The following SLCO2A1 variants were observed in gnomAD, a reference collection of about 807,000 sequenced individuals.
SLCO2A1 encodes solute carrier organic anion transporter family member 2A1.
In SLCO2A1, 60 loss-of-function variants were observed where a neutral mutation model predicts 71.7. The ratio of observed to expected loss-of-function variants is 0.84; its 90% confidence interval spans 0.68 to 1.04. The LOEUF (loss-of-function observed/expected upper bound fraction) is 1.04, where lower values mean the gene tolerates loss of function less well. Ranked by LOEUF, SLCO2A1 falls within the 50% of genes least tolerant of loss-of-function variation. The probability of loss-of-function intolerance (pLI) is 0.00; values close to 1 mark genes in which losing one functional copy is unlikely to be tolerated. For missense variants in SLCO2A1, 745 were observed against 813.4 expected, an observed-to-expected ratio of 0.92 and a Z score of 1.02; for synonymous variants, 308 against 326.7, an observed-to-expected ratio of 0.94 and a Z score of 0.62.
intron 3 of SLCO2A1, among the ~76,000 whole-genome samples, chr3:133,956,555 G>A (rs575690831): frequency 1.2e-4 from 19 of 152,216 alleles, no homozygotes; most frequent in African/African-American, 1.7e-4. Context: ...AGTTGTGTCC[G>A]TGGAAGGAAG....
chr3:134,021,148 A>G (rs1287572035), intron 1 of SLCO2A1, among the ~76,000 whole-genome samples: 1 of 152,232 alleles, frequency 6.6e-6, no homozygotes, highest in Non-Finnish European at 1.5e-5. Flanking sequence ...TGCAAACTGC[A>G]AAAGTGTGTG....
intron 4 of SLCO2A1, 56 bp from the exon 5 acceptor site, chr3:133,953,817 C>T: frequency 3.6e-6 from 5 of 1,407,608 alleles, no homozygotes; most frequent in Non-Finnish European, 4.0e-6. Context: ...GTTTGGCAGC[C>T]TTGGGCTCCC....
chr3:133,937,884 C>T (rs1933311422), intron 12 of SLCO2A1, among the ~76,000 whole-genome samples: 1 of 152,248 alleles, frequency 6.6e-6, no homozygotes, highest in South Asian at 2.1e-4. Flanking sequence ...ACTCCTGCTG[C>T]CTCAAGCAGC....
chr3:134,000,687 G>A (rs1204788486), intron 1 of SLCO2A1, among the ~76,000 whole-genome samples: 1 of 152,176 alleles, frequency 6.6e-6, no homozygotes, highest in Non-Finnish European at 1.5e-5. Context: ...TGGTGCACAT[G>A]GAATCAATCC....
rs1933207946 is a variant in SLCO2A1 at position 133,934,133 on chromosome 3, C to T, written c.*580G>A. 6.6e-6 allele frequency: 1 copy of T among 152,458 alleles called. No homozygotes were observed. Among genetic ancestry groups the T allele is most frequent in the Admixed American group, 6.5e-5 (1 of 15,292 alleles). The allele number at this position is 152,458 out of a possible 1,614,324, so 9.4% of individuals were successfully genotyped here. A position where few individuals can be genotyped will look rare whatever the true frequency, so the allele number is the denominator to read the frequency against. ...CAGCATCCAGAATGGCCTCTAGGTA[C>T]AGGAAGTGAGGGTCTGAGGGGGAGG... is the stretch of plus-strand genomic sequence containing the variant. On this transcript the variant is annotated 3_prime_UTR_variant, in exon 14 of 14. Coordinates refer to ENST00000310926, the MANE Select transcript of SLCO2A1 (RefSeq NM_005630.3).
chr3:133,973,812 A>G lies in SLCO2A1; in HGVS notation c.248T>C (p.Ile83Thr), dbSNP rs1417640136. The G allele has an allele frequency of 6.2e-7, 1 of 1,613,346 alleles. No individual in the cohort carries two copies. Among genetic ancestry groups the G allele is most frequent in the African/African-American group, 1.3e-5 (1 of 74,918 alleles). The change falls in exon 3 of 14, where the codon ATC becomes ACC. Residue 83 changes from isoleucine to threonine, a missense_variant. By Grantham distance (89) the Ile-to-Thr change is moderately conservative. Transcript: ENST00000310926. ...AAAGTAGCTGACAAAGATGATGAGG[A>G]TGGCATTGCTGATCTGAGAAGAGAG... ...ISSLNEISNA[I>T]LIIFVSYFGS...
At chr3:133,975,245 A>G (rs1415063951) in intron 2 of SLCO2A1, among the ~76,000 whole-genome samples, 1 of 152,054 alleles carries the variant, frequency 6.6e-6, no homozygotes, top group East Asian at 1.9e-4. Flanking sequence ...CCAAAACCCC[A>G]GTCCCCTGTC....
At chr3:133,991,981 AG>A (rs1288662005) in intron 1 of SLCO2A1, among the ~76,000 whole-genome samples, 1 of 152,212 alleles carries the variant, frequency 6.6e-6, no homozygotes, top group Non-Finnish European at 1.5e-5. Flanking sequence ...GGCACAGAGA[AG>A]CAAACTGCAA....
chr3:133,986,046 T>G (rs1034702083), intron 1 of SLCO2A1, among the ~76,000 whole-genome samples: 29 of 152,260 alleles, frequency 1.9e-4, no homozygotes, highest in Non-Finnish European at 3.1e-4. Context: ...GTGGAAATAT[T>G]CTACTTTTTA....
At chr3:134,024,522 C>T (rs1376827342) in intron 1 of SLCO2A1, among the ~76,000 whole-genome samples, 1 of 152,192 alleles carries the variant, frequency 6.6e-6, no homozygotes, top group African/African-American at 2.4e-5. Context: ...ACTCTTTACA[C>T]TCTATGTGTC....
intron 2 of SLCO2A1, among the ~76,000 whole-genome samples, chr3:133,977,159 A>G (rs2108057029): frequency 6.6e-6 from 1 of 152,306 alleles, no homozygotes; most frequent in African/African-American, 2.4e-5. Context: ...ACTCAGACAT[A>G]CACAGACACA....
Position 133,945,426 on chromosome 3 carries a change from G to A in SLCO2A1, c.1296-166C>T, listed in dbSNP as rs567716331. 4.6e-5 allele frequency among the ~76,000 whole-genome samples: 7 copies of A among 152,302 alleles called. No individual in the cohort carries two copies. In the East Asian group the frequency reaches 1.4e-3, roughly 29 times the overall value. On this transcript the variant is annotated intron_variant, in intron 9 of 13. Transcript: ENST00000310926. ...TGAATTATGCCTGGTGGAGCCAACA[G>A]TGAATTTGCCACTGTTTAGTGGTCA...
At chr3:133,939,326 A>T (rs1198836583) in intron 11 of SLCO2A1, among the ~76,000 whole-genome samples, 3 of 152,196 alleles carry the variant, frequency 2.0e-5, no homozygotes, top group African/African-American at 7.2e-5. Flanking sequence ...ACACCTCCAC[A>T]CAAGGTGGGG....
chr3:134,017,920 A>T (rs530618796), intron 1 of SLCO2A1, among the ~76,000 whole-genome samples: 1 of 152,328 alleles, frequency 6.6e-6, no homozygotes, highest in East Asian at 1.9e-4. Flanking sequence ...TGGAAAAAAC[A>T]GGTAGTCACT....
At chr3:134,020,962 T>G (rs1219381562) in intron 1 of SLCO2A1, among the ~76,000 whole-genome samples, 2 of 151,662 alleles carry the variant, frequency 1.3e-5, no homozygotes, top group African/African-American at 4.9e-5. Flanking sequence ...AGGATTGGTC[T>G]TGGGAACTTG....
Position 133,964,695 on chromosome 3 carries a change from A to G in SLCO2A1, c.397+8968T>C, listed in dbSNP as rs561348360. Among the ~76,000 whole-genome samples the G allele has an allele frequency of 1.4e-3, 210 of 152,336 alleles. 2 individuals are homozygous for G. The highest frequency in any genetic ancestry group is 5.0e-3 in the South Asian group (24 of 4,830). On this transcript the variant is annotated intron_variant, in intron 3 of 13. Transcript: ENST00000310926. Reference sequence around the variant, plus strand: ...GTTTCCAAGACTAGTTCTGAGGCTGAGGCTGGATGTCCCTTCCCATACTGC... The same window carrying G: ...GTTTCCAAGACTAGTTCTGAGGCTGGGGCTGGATGTCCCTTCCCATACTGC...
chr3:134,000,276 T>C (rs534125558), intron 1 of SLCO2A1, among the ~76,000 whole-genome samples: 18 of 152,150 alleles, frequency 1.2e-4, no homozygotes, highest in Admixed American at 4.6e-4. Flanking sequence ...TGGGAGCACA[T>C]GCAGATGCAG....
intron 1 of SLCO2A1, among the ~76,000 whole-genome samples, chr3:133,994,577 T>A (rs1055926821): frequency 6.6e-6 from 1 of 152,244 alleles, no homozygotes; most frequent in African/African-American, 2.4e-5. Context: ...CCCCACATGA[T>A]GTTGATGGTG....
chr3:134,020,787 C>A (rs1340301307), intron 1 of SLCO2A1, among the ~76,000 whole-genome samples: 2 of 148,382 alleles, frequency 1.3e-5, no homozygotes, highest in African/African-American at 2.5e-5. Context: ...GCATGGTGTG[C>A]CTTTATCGGC....
Sources: gnomAD v4.1 joint callset for allele counts (sites outside exome capture counted in the v4.1 genomes callset) on GRCh38, gnomAD v4.1.1 for gene constraint, MANE v1.5 for transcripts, NCBI Gene and HGNC (gene_info 2026-07-23, HGNC 2026-07-21) for gene names.